ZNF813: variants seen among roughly 807,000 people sequenced by gnomAD.
ZNF813 encodes zinc finger protein 813.
A neutral mutation model predicts 7.2 loss-of-function variants in ZNF813; 3 were observed. That is an observed-to-expected ratio of 0.42 (90% CI 0.19 to 1.08). ZNF813 has a LOEUF of 1.08. ZNF813 is among the 50% of genes least tolerant of loss of function. The probability of loss-of-function intolerance (pLI) is 0.30; values close to 1 mark genes in which losing one functional copy is unlikely to be tolerated. For synonymous variants in ZNF813, 227 were observed against 256.3 expected (o/e 0.89, Z 1.09); for missense variants, 714 against 753.3 (o/e 0.95, Z 0.61).
rs1294397654 is a variant in ZNF813 at position 53,494,272 on chromosome 19, A to C, written c.*2186A>C. 6.6e-6 allele frequency: 1 copy of C among 152,196 alleles called. No individual in the cohort carries two copies. The highest frequency in any genetic ancestry group is 1.5e-5 in the Non-Finnish European group (1 of 68,038). 9.4% of individuals were successfully genotyped at this position (152,196 alleles called of 1,614,324 possible). On this transcript the variant is annotated 3_prime_UTR_variant, in exon 4 of 4. Transcript: ENST00000396403. ...ATGAATTTCCCAGTTTTTGCACCAA[A>C]ATAAACTGGTACGAATCTGTTATGT...
At chr19:53,489,283 A>T (rs1429537718) in intron 3 of ZNF813, among the ~76,000 whole-genome samples, 1 of 152,192 alleles carries the variant, frequency 6.6e-6, no homozygotes, top group African/African-American at 2.4e-5. Flanking sequence ...CTAGGATTAC[A>T]GGCATAAGCC....
chr19:53,486,435 A>T, intron 2 of ZNF813, among the ~76,000 whole-genome samples, 197 bp from the exon 3 acceptor site: 1 of 141,022 alleles, frequency 7.1e-6, no homozygotes, highest in South Asian at 2.3e-4. Flanking sequence ...CAGCAGAGTG[A>T]GACTCCACCT....
intron 2 of ZNF813, among the ~76,000 whole-genome samples, chr19:53,486,317 C>T (rs530642646): frequency 7.9e-4 from 120 of 151,652 alleles, no homozygotes; most frequent in Middle Eastern, 6.8e-3. Context: ...CATGGTGGTG[C>T]GTGCCTGTAA....
At chr19:53,471,938 CAT>C (rs1272479140) in intron 1 of ZNF813, among the ~76,000 whole-genome samples, 1 of 152,046 alleles carries the variant, frequency 6.6e-6, no homozygotes, top group Admixed American at 6.6e-5. Context: ...CTTCTACAAA[CAT>C]AACATGAGAA....
intron 1 of ZNF813, among the ~76,000 whole-genome samples, chr19:53,482,562 G>A (rs539379631): frequency 7.5e-4 from 114 of 152,106 alleles, no homozygotes; most frequent in African/African-American, 2.1e-3. Flanking sequence ...AAATGATCAC[G>A]GCACTGTCCC....
intron 1 of ZNF813, chr19:53,479,367 C>T: frequency 6.3e-7 from 1 of 1,590,706 alleles, no homozygotes; most frequent in Non-Finnish European, 8.5e-7. Context: ...GGATCACCAC[C>T]ATCGAGGCAG....
rs760153169 is a variant in ZNF813, at chr19:53,491,736, A to G, written c.1504A>G (p.Lys502Glu). Reference sequence around the variant, plus strand: ...ACCTTACAAGTGTAATGAATGTGGCAAGGGTTTTAATCGGAAAACACACCT... The same window carrying G: ...ACCTTACAAGTGTAATGAATGTGGCGAGGGTTTTAATCGGAAAACACACCT... ...EKPYKCNECG[K>E]GFNRKTHLAC... is the part of the protein sequence containing the mutation. The change falls in exon 4 of 4, where the codon AAG becomes GAG. Residue 502 changes from lysine (K) to glutamate (E), a missense_variant. Transcript: ENST00000396403. 6.4e-7 allele frequency: 1 copy of G among 1,573,660 alleles called. No homozygotes were observed. Among genetic ancestry groups the G allele is most frequent in the African/African-American group, 1.4e-5 (1 of 73,984 alleles).
chr19:53,474,640 G>C (rs542034677), intron 1 of ZNF813, among the ~76,000 whole-genome samples: 6 of 151,986 alleles, frequency 3.9e-5, no homozygotes, highest in African/African-American at 1.4e-4. Flanking sequence ...AGTGAGCCAA[G>C]ATTGCACCAC....
chr19:53,468,917 G>A (rs558925236), intron 1 of ZNF813, among the ~76,000 whole-genome samples: 1 of 144,522 alleles, frequency 6.9e-6, no homozygotes, highest in Non-Finnish European at 1.5e-5. Context: ...ACGGGTGTCC[G>A]GCTGGGGGAT....
In ZNF813 at chr19:53,490,714, G is replaced by T. The variant is rs778710108; in HGVS notation, c.482G>T (p.Gly161Val). ...ATGTTTCAGACCCAAGGGAAAATTGGTAATCAAGTGGAGAAGTCTATCAAC... is the reference window on the plus strand; with the variant it reads ...ATGTTTCAGACCCAAGGGAAAATTGTTAATCAAGTGGAGAAGTCTATCAAC... ...LHMFQTQGKI[G>V]NQVEKSINDA... The change falls in exon 4 of 4, where the codon GGT becomes GTT. Residue 161 changes from glycine (G) to valine (V), a missense_variant. By Grantham distance (109) the Gly-to-Val change is moderately radical. This residue lies in a region of ZNF813 where 563 missense variants were observed against 554.2 expected (regional missense o/e 1.02). Transcript: ENST00000396403. 8.7e-6 allele frequency: 14 copies of T among 1,614,030 alleles called. No individual in the cohort carries two copies. In the East Asian group the frequency reaches 2.9e-4, roughly 33 times the overall value.
intron 2 of ZNF813, 52 bp downstream of exon 2, chr19:53,483,889 T>C: frequency 6.2e-7 from 1 of 1,613,818 alleles, no homozygotes; most frequent in Non-Finnish European, 8.5e-7. Flanking sequence ...TCAGAAATGC[T>C]GGGCCTTGGA....
intron 1 of ZNF813, among the ~76,000 whole-genome samples, chr19:53,480,878 A>T (rs927762152): frequency 6.6e-6 from 1 of 152,116 alleles, no homozygotes; most frequent in Admixed American, 6.5e-5. Flanking sequence ...ACTCTGGCGG[A>T]GTCAAAGGAA....
intron 1 of ZNF813, among the ~76,000 whole-genome samples, chr19:53,482,641 C>T (rs1458497648): frequency 6.6e-6 from 1 of 151,352 alleles, no homozygotes; most frequent in Non-Finnish European, 1.5e-5. Flanking sequence ...GATGTTCCCT[C>T]TGCCCGTCAG....
At position 53,491,977 on chromosome 19, in the gene ZNF813, A is replaced by G; in HGVS notation, c.1745A>G (p.Asn582Ser). The G allele has an allele frequency of 6.2e-7, 1 of 1,614,088 alleles. No homozygotes were observed. Among genetic ancestry groups the G allele is most frequent in the Non-Finnish European group, 8.5e-7 (1 of 1,179,974 alleles). The change falls in exon 4 of 4, where the codon AAT (asparagine) becomes AGT (serine). Residue 582 changes from asparagine (N) to serine (S), a missense_variant. Around this residue, in one of 3 missense-constraint regions of ZNF813, gnomAD observed 122 missense variants for 146.8 expected, o/e 0.83. Transcript: ENST00000396403. Reference sequence around the variant, plus strand: ...ACTGGAGAGAAACCTTACAAGTGTAATGAATGTGGCAAGGTTTTTAATCAA... The same window carrying G: ...ACTGGAGAGAAACCTTACAAGTGTAGTGAATGTGGCAAGGTTTTTAATCAA... ...LHTGEKPYKC[N>S]ECGKVFNQKA... is the part of the protein sequence containing the mutation.
At chr19:53,483,540 C>A (rs1028371683) in intron 1 of ZNF813, among the ~76,000 whole-genome samples, 1 of 152,144 alleles carries the variant, frequency 6.6e-6, no homozygotes, top group Non-Finnish European at 1.5e-5. Flanking sequence ...GGAGCTCATC[C>A]CACCCCAGCT....
intron 1 of ZNF813, among the ~76,000 whole-genome samples, chr19:53,482,124 T>C (rs2086411279): frequency 6.6e-6 from 1 of 152,138 alleles, no homozygotes; most frequent in Non-Finnish European, 1.5e-5. Flanking sequence ...GGGTATGGCT[T>C]TTCTCATGGG....
chr19:53,471,581 G>A (rs113901498), intron 1 of ZNF813, among the ~76,000 whole-genome samples: 1 of 151,734 alleles, frequency 6.6e-6, no homozygotes, highest in Non-Finnish European at 1.5e-5. Context: ...AGGCTGATGC[G>A]GGTGGATCAC....
At position 53,494,541 on chromosome 19, in the gene ZNF813, G is replaced by A. The variant is rs1436241265; in HGVS notation, c.*2455G>A. On this transcript the variant is annotated 3_prime_UTR_variant, in exon 4 of 4. Transcript: ENST00000396403. ...GCCTGTAATCCCAGATACTCTGGAGGCTGAGGCAGGAGAATGGCTTGAACC... is the reference window on the plus strand; with the variant it reads ...GCCTGTAATCCCAGATACTCTGGAGACTGAGGCAGGAGAATGGCTTGAACC... 6.6e-6 allele frequency: 1 copy of A among 152,134 alleles called. No homozygotes were observed. The highest frequency in any genetic ancestry group is 1.5e-5 in the Non-Finnish European group (1 of 68,080). The allele number at this position is 152,134 out of a possible 1,614,324, so 9.4% of individuals were successfully genotyped here. A position where few individuals can be genotyped will look rare whatever the true frequency, so the allele number is the denominator to read the frequency against.
chr19:53,485,341 T>C (rs1301350711), intron 2 of ZNF813, among the ~76,000 whole-genome samples: 1 of 152,148 alleles, frequency 6.6e-6, no homozygotes, highest in African/African-American at 2.4e-5. Flanking sequence ...CAACAAAACT[T>C]GCTACTTTTT....
Sources: allele counts gnomAD v4.1 joint callset (sites outside exome capture counted in the v4.1 genomes callset), GRCh38; gene constraint gnomAD v4.1.1; regional missense constraint gnomAD v4.1.1; transcripts MANE v1.5; gene names NCBI Gene and HGNC (gene_info 2026-07-23, HGNC 2026-07-21).